INTU: variants seen among roughly 807,000 people sequenced by gnomAD.
INTU encodes protein inturned.
In INTU, 68 loss-of-function variants were observed where a neutral mutation model predicts 100.5. That is an observed-to-expected ratio of 0.68 (90% CI 0.56 to 0.83). INTU has a LOEUF of 0.83. INTU is among the 40% of genes least tolerant of loss of function. The probability of loss-of-function intolerance (pLI) is 0.00; values close to 1 mark genes in which losing one functional copy is unlikely to be tolerated. For synonymous variants in INTU, 357 were observed against 395.7 expected (o/e 0.90, Z 1.16); for missense variants, 1,071 against 1,114.7 (o/e 0.96, Z 0.56).
chr4:127,644,086 G>A, intron 2 of INTU, 30 bp downstream of exon 2: 1 of 1,578,190 alleles, frequency 6.3e-7, no homozygotes, highest in African/African-American at 1.4e-5. Flanking sequence ...ATCCATCCCT[G>A]TTTACAGAGA....
chr4:127,714,406 C>G (rs2148739559), intron 15 of INTU, among the ~76,000 whole-genome samples: 1 of 151,980 alleles, frequency 6.6e-6, no homozygotes, highest in Non-Finnish European at 1.5e-5. Context: ...CATCCTCTCC[C>G]TTTTCTTCCC....
At chr4:127,679,492 C>T (rs1451500389) in intron 6 of INTU, among the ~76,000 whole-genome samples, 2 of 152,198 alleles carry the variant, frequency 1.3e-5, no homozygotes, top group Non-Finnish European at 2.9e-5. Flanking sequence ...TCAACCTCCT[C>T]CTGAATGACT....
At chr4:127,651,037 T>G (rs1325491990) in intron 2 of INTU, among the ~76,000 whole-genome samples, 3 of 152,246 alleles carry the variant, frequency 2.0e-5, no homozygotes, top group African/African-American at 7.2e-5. Flanking sequence ...TGTCTGTTCA[T>G]GTCCTTCTCC....
chr4:127,672,051 C>T (rs1297938868), intron 5 of INTU, among the ~76,000 whole-genome samples: 2 of 152,032 alleles, frequency 1.3e-5, no homozygotes, highest in Non-Finnish European at 2.9e-5. Flanking sequence ...ATACAATGTA[C>T]ACTCCTTAGG....
In INTU at chr4:127,639,077, T is replaced by G. The variant is rs570491256; in HGVS notation, c.147-4444T>G. On this transcript the variant is annotated intron_variant, in intron 1 of 15. Coordinates refer to ENST00000335251, the MANE Select transcript of INTU (RefSeq NM_015693.4). ...TCCTTCACCCACTTTCCCCTGATGT[T>G]AACATCTTACACAACTATTATGCAT... is the stretch of plus-strand genomic sequence containing the variant. Among the ~76,000 whole-genome samples the G allele has an allele frequency of 2.0e-5, 3 of 152,318 alleles. No homozygotes were observed. The South Asian group carries it at 6.2e-4, about 32-fold the overall frequency.
rs1219265106 is a variant in INTU at position 127,706,672 on chromosome 4, C to T, written c.1974C>T (p.Asp658=). The change falls in exon 12 of 16, where the codon GAC becomes GAT. Residue 658 remains aspartate (D), a synonymous_variant. Coordinates refer to ENST00000335251, the MANE Select transcript of INTU (RefSeq NM_015693.4). ...SSPVPCLSCA[D]WFLTGSREKT... is the part of the protein sequence containing the mutation. Reference sequence around the variant, plus strand: ...CAGTCCCCTGTTTGTCTTGTGCTGACTGGTTCCTTACTGGATCACGTGAAA... The same window carrying T: ...CAGTCCCCTGTTTGTCTTGTGCTGATTGGTTCCTTACTGGATCACGTGAAA... 5.6e-6 allele frequency: 9 copies of T among 1,613,990 alleles called. No individual in the cohort carries two copies. The highest frequency in any genetic ancestry group is 7.6e-6 in the Non-Finnish European group (9 of 1,179,980).
chr4:127,696,881 A>AT (rs1553983394), intron 8 of INTU, among the ~76,000 whole-genome samples: 1 of 152,048 alleles, frequency 6.6e-6, no homozygotes, highest in East Asian at 1.9e-4. Flanking sequence ...TTGTGATTTC[A>AT]TTTTTTTAGT....
rs755707760 is a variant in INTU, at chr4:127,663,552, C to G, written c.940C>G (p.Leu314Val). The G allele has an allele frequency of 8.1e-6, 13 of 1,613,264 alleles. No individual in the cohort carries two copies. In the South Asian group the frequency reaches 1.2e-4, roughly 15 times the overall value. ...NTPHIIMYLTLQLDSETSKEE... is the reference protein window; with the variant it reads ...NTPHIIMYLTVQLDSETSKEE... Reference sequence around the variant, plus strand: ...TCCTCATATCATTATGTATCTCACACTACAGCTCGACTCAGAAACCTCAAA... The same window carrying G: ...TCCTCATATCATTATGTATCTCACAGTACAGCTCGACTCAGAAACCTCAAA... Residue 314 changes from leucine (L) to valine (V), a missense_variant, in exon 4 of 16, where the codon CTA (leucine) becomes GTA (valine). Physicochemically the swap from Leu to Val is conservative, Grantham distance 32 (BLOSUM62 1). Coordinates refer to ENST00000335251, the MANE Select transcript of INTU (RefSeq NM_015693.4).
At chr4:127,635,684 A>G (rs1727036268) in intron 1 of INTU, among the ~76,000 whole-genome samples, 1 of 152,228 alleles carries the variant, frequency 6.6e-6, no homozygotes, top group Non-Finnish European at 1.5e-5. Flanking sequence ...GATAATTTAT[A>G]TACAAAAAAC....
Position 127,704,230 on chromosome 4 carries a change from C to T in INTU, c.1506C>T (p.Ser502=), listed in dbSNP as rs760805957. The change falls in exon 10 of 16, where the codon TCC becomes TCT. Residue 502 remains serine (S), a splice_region_variant and synonymous_variant. Coordinates refer to ENST00000335251, the MANE Select transcript of INTU (RefSeq NM_015693.4). ...TCCACTATGAATTTTTCCCCCAGTC[C>T]GAGGATTACTATGACATGAGGCGGC... ...DLEAADFAEL[S]EDYYDMRRLY... is the part of the protein sequence containing the mutation. The T allele has an allele frequency of 5.0e-6, 8 of 1,604,718 alleles. No individual in the cohort carries two copies. Among genetic ancestry groups the T allele is most frequent in the South Asian group, 2.3e-5 (2 of 88,522 alleles).
intron 4 of INTU, among the ~76,000 whole-genome samples, chr4:127,664,290 G>A (rs58012456): frequency 0.019 from 2,834 of 152,124 alleles, 85 homozygotes; most frequent in African/African-American, 0.063. Flanking sequence ...CACATAGCTA[G>A]TAACTGACAA....
intron 1 of INTU, among the ~76,000 whole-genome samples, chr4:127,638,448 G>A (rs1427418339): frequency 6.6e-6 from 1 of 152,162 alleles, no homozygotes; most frequent in Non-Finnish European, 1.5e-5. Context: ...GGTAGTTAAG[G>A]AAATTGCTGT....
At chr4:127,705,898 TA>T in intron 11 of INTU, 86 bp downstream of exon 11, 1 of 907,406 alleles carries the variant, frequency 1.1e-6, no homozygotes, top group Non-Finnish European at 1.7e-6. Context: ...GATGCAGCGG[TA>T]GGTAGGTATC....
chr4:127,687,157 G>A (rs1391355536), intron 7 of INTU: 1 of 152,180 alleles, frequency 6.6e-6, no homozygotes, highest in Non-Finnish European at 1.5e-5. Flanking sequence ...CATTCTGCAT[G>A]TGAGCTAGAT....
At chr4:127,683,260 T>C (rs1425445789) in intron 6 of INTU, among the ~76,000 whole-genome samples, 2 of 152,212 alleles carry the variant, frequency 1.3e-5, no homozygotes, top group Non-Finnish European at 1.5e-5. Flanking sequence ...TTATTCTCTT[T>C]CCTGAGCTTC....
At chr4:127,641,568 G>A (rs1040852207) in intron 1 of INTU, among the ~76,000 whole-genome samples, 4 of 152,034 alleles carry the variant, frequency 2.6e-5, no homozygotes, top group Admixed American at 6.6e-5. Flanking sequence ...TCAACCTCCA[G>A]CTAGGCTAAG....
At position 127,721,735 on chromosome 4, in the gene INTU, A is replaced by G. The variant is rs1304948088; in HGVS notation, c.*5299A>G. 1 of 152,148 alleles carries G rather than the reference A, an allele frequency of 6.6e-6. No individual in the cohort carries two copies. Among genetic ancestry groups the G allele is most frequent in the Non-Finnish European group, 1.5e-5 (1 of 68,040 alleles). 9.4% of individuals were successfully genotyped at this position (152,148 alleles called of 1,614,324 possible). Reference sequence around the variant, plus strand: ...AGCAAGATAGTCTTCAAACTCTGATATCCTTTCTTCCACTTAGTCTATTTG... The same window carrying G: ...AGCAAGATAGTCTTCAAACTCTGATGTCCTTTCTTCCACTTAGTCTATTTG... On this transcript the variant is annotated 3_prime_UTR_variant, in exon 16 of 16. Transcript: ENST00000335251.
rs753898362 is a variant in INTU at position 127,633,060 on chromosome 4, C to G, written c.26C>G (p.Ser9Trp). 1 of 1,613,626 alleles carries G rather than the reference C, an allele frequency of 6.2e-7. No individual in the cohort carries two copies. The highest frequency in any genetic ancestry group is 1.3e-5 in the African/African-American group (1 of 75,052). MASVASCD[S>W]RPSSDELPGD... ...ATGGCCTCTGTGGCTTCGTGCGATT[C>G]GCGTCCGAGCTCAGACGAGCTCCCT... Residue 9 changes from serine (S) to tryptophan (W), a missense_variant, in exon 1 of 16, where the codon TCG becomes TGG. Transcript: ENST00000335251.
Position 127,706,548 on chromosome 4 carries a change from G to A in INTU, c.1850G>A (p.Ser617Asn). Reference sequence around the variant, plus strand: ...GGTTGCGCATCCAAAGCTATTGGGAGTCCTGGACCAGACTGTGTATATGTG... The same window carrying A: ...GGTTGCGCATCCAAAGCTATTGGGAATCCTGGACCAGACTGTGTATATGTG... ...AGGCASKAIG[S>N]PGPDCVYVDQ... The change falls in exon 12 of 16, where the codon AGT becomes AAT. Residue 617 changes from serine (S) to asparagine (N), a missense_variant. Physicochemically the swap from Ser to Asn is conservative, Grantham distance 46. Transcript: ENST00000335251. 6.2e-7 allele frequency: 1 copy of A among 1,613,964 alleles called. No individual in the cohort carries two copies. Among genetic ancestry groups the A allele is most frequent in the Non-Finnish European group, 8.5e-7 (1 of 1,179,874 alleles).
Sources: gnomAD v4.1 joint callset for allele counts (sites outside exome capture counted in the v4.1 genomes callset) on GRCh38, gnomAD v4.1.1 for gene constraint, MANE v1.5 for transcripts, NCBI Gene and HGNC (gene_info 2026-07-23, HGNC 2026-07-21) for gene names.